SLC26A8: variants seen among roughly 807,000 people sequenced by gnomAD.
SLC26A8 encodes testis anion transporter 1.
In SLC26A8, 70 loss-of-function variants were observed where a neutral mutation model predicts 105.0. The observed-to-expected ratio is 0.67, with a 90% CI of 0.55 to 0.81. The LOEUF is 0.81. Ranked by LOEUF, SLC26A8 falls within the 40% of genes least tolerant of loss-of-function variation. SLC26A8 has a pLI of 0.00. For synonymous variants in SLC26A8, 415 were observed against 438.3 expected (o/e 0.95, Z 0.66); for missense variants, 998 against 1,181.8 (o/e 0.84, Z 2.28).
At chr6:35,965,696 A>AG (rs1170306692) in intron 11 of SLC26A8, among the ~76,000 whole-genome samples, 19 of 149,700 alleles carry the variant, frequency 1.3e-4, no homozygotes, top group Admixed American at 6.0e-4. Flanking sequence ...AAAAAAAAAA[A>AG]AAAGAAAGAA....
intron 2 of SLC26A8, among the ~76,000 whole-genome samples, chr6:36,013,898 A>G (rs934595048): frequency 2.0e-5 from 3 of 152,216 alleles, no homozygotes; most frequent in South Asian, 4.1e-4. Flanking sequence ...ATTAATGCCA[A>G]ATAAATATGA....
chr6:35,957,468 C>T (rs1378125803), intron 16 of SLC26A8, among the ~76,000 whole-genome samples: 2 of 151,962 alleles, frequency 1.3e-5, no homozygotes, highest in African/African-American at 4.8e-5. Flanking sequence ...GATAATGCTG[C>T]AGTTTGCAGT....
At chr6:36,006,395 C>G (rs143017436) in intron 3 of SLC26A8, among the ~76,000 whole-genome samples, 3 of 152,308 alleles carry the variant, frequency 2.0e-5, no homozygotes, top group Non-Finnish European at 4.4e-5. Flanking sequence ...GTTGGGATTA[C>G]AGGTGTGAGC....
chr6:36,022,799 A>C (rs929019547), intron 1 of SLC26A8, among the ~76,000 whole-genome samples: 1 of 151,784 alleles, frequency 6.6e-6, no homozygotes, highest in Non-Finnish European at 1.5e-5. Flanking sequence ...ATTTCATAGA[A>C]ATCCTAGTGG....
In SLC26A8 at chr6:35,997,867, T is replaced by C. The variant is rs747988115; in HGVS notation, c.498A>G (p.Pro166=). 2.1e-5 allele frequency: 34 copies of C among 1,614,046 alleles called. No homozygotes were observed. The Middle Eastern group carries it at 4.9e-4, about 23-fold the overall frequency. The change falls in exon 5 of 20, where the codon CCA becomes CCG. Residue 166 remains proline (P), a synonymous_variant. Coordinates refer to ENST00000490799, the MANE Select transcript of SLC26A8 (RefSeq NM_052961.4). The part of the protein sequence containing the change: ...ALLINVLKVS[P]FNNGQLVMGS... ...CCATGACCAGTTGACCGTTGTTGAA[T>C]GGGCTCACTTTCAGAACGTTGATCA... is the stretch of plus-strand genomic sequence containing the variant.
Position 35,977,477 on chromosome 6 carries a change from C to T in SLC26A8, c.1026-126G>A, listed in dbSNP as rs73729643. On this transcript the variant is annotated intron_variant, in intron 8 of 19. Transcript: ENST00000490799. ...TTTTTTTAATAACAATAGGGACAAGCGGAGTGATTGAGGCAGCAGCCTGCC... is the reference window on the plus strand; with the variant it reads ...TTTTTTTAATAACAATAGGGACAAGTGGAGTGATTGAGGCAGCAGCCTGCC... 9.5e-3 allele frequency: 9,922 copies of T among 1,044,430 alleles called. 464 individuals are homozygous for T. In the African/African-American group the frequency reaches 0.12, roughly 12 times the overall value. 64.7% of individuals were successfully genotyped at this position (1,044,430 alleles called of 1,614,324 possible). A position where few individuals can be genotyped will look rare whatever the true frequency, so the allele number is the denominator to read the frequency against.
chr6:36,017,909 C>T (rs1562077028), intron 2 of SLC26A8, among the ~76,000 whole-genome samples: 2 of 152,114 alleles, frequency 1.3e-5, no homozygotes, highest in African/African-American at 2.4e-5. Flanking sequence ...CCAATAAACA[C>T]ACCAAAAGAT....
chr6:35,978,453 C>G (rs1335007255), intron 8 of SLC26A8, among the ~76,000 whole-genome samples: 3 of 151,856 alleles, frequency 2.0e-5, no homozygotes, highest in African/African-American at 7.3e-5. Flanking sequence ...AGATTACTTT[C>G]TAAGTCAGAA....
chr6:35,982,780 G>C (rs531642342), intron 7 of SLC26A8, among the ~76,000 whole-genome samples: 123 of 152,288 alleles, frequency 8.1e-4, no homozygotes, highest in Non-Finnish European at 1.3e-3. Context: ...GGGGCTTGTT[G>C]AGGTATACCA....
chr6:36,011,057 C>T (rs1761842786), intron 3 of SLC26A8, among the ~76,000 whole-genome samples: 1 of 152,178 alleles, frequency 6.6e-6, no homozygotes, highest in South Asian at 2.1e-4. Context: ...CAAGCTTCAA[C>T]CCTGCCTGTT....
At chr6:35,972,666 C>A (rs1271329563) in intron 10 of SLC26A8, among the ~76,000 whole-genome samples, 2 of 152,184 alleles carry the variant, frequency 1.3e-5, no homozygotes, top group Non-Finnish European at 2.9e-5. Context: ...CGCTGCACTG[C>A]ATTGAGAGGT....
chr6:35,973,293 C>T (rs926595431), intron 10 of SLC26A8, among the ~76,000 whole-genome samples: 3 of 152,192 alleles, frequency 2.0e-5, no homozygotes, highest in Admixed American at 1.3e-4. Flanking sequence ...TTTTTGCATG[C>T]TTGTACAAAA....
chr6:35,988,307 T>C (rs1027140702), intron 7 of SLC26A8, among the ~76,000 whole-genome samples: 3 of 152,202 alleles, frequency 2.0e-5, no homozygotes, highest in Non-Finnish European at 4.4e-5. Flanking sequence ...TAATTATAAC[T>C]GTAAAAGATA....
Position 36,019,550 on chromosome 6 carries a change from A to T in SLC26A8, c.158T>A (p.Ile53Asn). ...ASSSGNMNIN[I>N]TTFRHHVQCR... ...CTGGACGTGGTGTCTGAAGGTGGTG[A>T]TGTTGATGTTCATGTTCCCAGAAGA... is the stretch of plus-strand genomic sequence containing the variant. Residue 53 changes from isoleucine (I) to asparagine (N), a missense_variant, in exon 2 of 20, where the codon ATC becomes AAC. Coordinates refer to ENST00000490799, the MANE Select transcript of SLC26A8 (RefSeq NM_052961.4). The T allele has an allele frequency of 1.2e-6, 2 of 1,613,894 alleles. No individual in the cohort carries two copies. Among genetic ancestry groups the T allele is most frequent in the South Asian group, 2.2e-5 (2 of 91,056 alleles).
At chr6:36,010,957 C>T (rs1761840391) in intron 3 of SLC26A8, among the ~76,000 whole-genome samples, 1 of 152,164 alleles carries the variant, frequency 6.6e-6, no homozygotes, top group South Asian at 2.1e-4. Flanking sequence ...CTGTTTTCCC[C>T]AATTAACAGT....
At chr6:35,994,539 C>T (rs2127351725) in intron 5 of SLC26A8, among the ~76,000 whole-genome samples, 1 of 151,376 alleles carries the variant, frequency 6.6e-6, no homozygotes, top group African/African-American at 2.4e-5. Flanking sequence ...GCATGAGCCC[C>T]TCTTTTTTCC....
intron 10 of SLC26A8, among the ~76,000 whole-genome samples, chr6:35,973,074 C>T (rs1778860523): frequency 1.3e-5 from 2 of 152,184 alleles, no homozygotes; most frequent in Admixed American, 1.3e-4. Context: ...TTTTAAAAAT[C>T]GTCCTCATTC....
intron 3 of SLC26A8, among the ~76,000 whole-genome samples, chr6:36,001,815 A>G (rs1761531397): frequency 6.6e-6 from 1 of 152,226 alleles, no homozygotes; most frequent in Non-Finnish European, 1.5e-5. Context: ...TGGAGAAGCC[A>G]GAATGGGGAG....
At position 35,962,595 on chromosome 6, in the gene SLC26A8, G is replaced by A; in HGVS notation, c.1392C>T (p.Ser464=). 1.2e-6 allele frequency: 2 copies of A among 1,614,120 alleles called. No individual in the cohort carries two copies. Among genetic ancestry groups the A allele is most frequent in the South Asian group, 2.2e-5 (2 of 91,086 alleles). The part of the protein sequence containing the change: ...PNAVLAGIIL[S]NVIPYLETIS... Reference sequence around the variant, plus strand: ...TGGTTTCAAGGTAGGGAATGACGTTGCTCAGAATAATACCAGCCAGCACAG... The same window carrying A: ...TGGTTTCAAGGTAGGGAATGACGTTACTCAGAATAATACCAGCCAGCACAG... The change falls in exon 12 of 20, where the codon AGC becomes AGT. Residue 464 remains serine, a synonymous_variant. Coordinates refer to ENST00000490799, the MANE Select transcript of SLC26A8 (RefSeq NM_052961.4).
Sources: gnomAD v4.1 joint callset for allele counts (sites outside exome capture counted in the v4.1 genomes callset) on GRCh38, gnomAD v4.1.1 for gene constraint, MANE v1.5 for transcripts, NCBI Gene and HGNC (gene_info 2026-07-23, HGNC 2026-07-21) for gene names.